Variants in AJAP1 observed in about 807,000 individuals in gnomAD.
The protein encoded by AJAP1 is adherens junction-associated protein 1.
A neutral mutation model predicts 35.0 loss-of-function variants in AJAP1; 5 were observed. The observed-to-expected ratio is 0.14, with a 90% confidence interval of 0.07 to 0.30. The LOEUF (loss-of-function observed/expected upper bound fraction) is 0.30. Among genes scored for constraint, AJAP1 ranks in the 10% least tolerant of loss-of-function variants. AJAP1 has a pLI of 1.00. For missense variants in AJAP1, 586 were observed against 571.0 expected (o/e 1.03, Z -0.27); for synonymous variants, 284 against 249.3 (o/e 1.14, Z -1.31).
At position 4,776,167 on chromosome 1, in the gene AJAP1, C is replaced by T. The variant is rs573138214; in HGVS notation, c.*59+1609C>T. On this transcript the variant is annotated intron_variant, in intron 5 of 5. Coordinates refer to ENST00000378191, the MANE Select transcript of AJAP1 (RefSeq NM_018836.4). ...CAGCCCCGTAATACGGATGTTTGCACGGCAGCTCGTGGAACACTTTTTACT... is the reference window on the plus strand; with the variant it reads ...CAGCCCCGTAATACGGATGTTTGCATGGCAGCTCGTGGAACACTTTTTACT... 1.4e-4 allele frequency among the ~76,000 whole-genome samples: 22 copies of T among 152,338 alleles called. No homozygotes were observed. In the South Asian group the frequency reaches 3.5e-3, roughly 24 times the overall value.
intron 1 of AJAP1, among the ~76,000 whole-genome samples, chr1:4,660,610 T>A (rs972800545): frequency 1.3e-5 from 2 of 152,174 alleles, no homozygotes; most frequent in Non-Finnish European, 2.9e-5. Flanking sequence ...GCCTAACTGA[T>A]CTGACTGGCA....
intron 2 of AJAP1, 64 bp from the exon 3 acceptor site, chr1:4,769,789 C>T (rs949302738): frequency 5.0e-5 from 72 of 1,430,376 alleles, no homozygotes; most frequent in South Asian, 2.5e-4. Flanking sequence ...CCACCTTTCC[C>T]GGCCCCCCTC....
chr1:4,757,196 T>C (rs962166147), intron 2 of AJAP1, among the ~76,000 whole-genome samples: 3 of 152,204 alleles, frequency 2.0e-5, no homozygotes, highest in Non-Finnish European at 4.4e-5. Context: ...TTCCTTTGCC[T>C]TCAGCACAGA....
chr1:4,660,378 G>T (rs1299853259), intron 1 of AJAP1, among the ~76,000 whole-genome samples: 2 of 152,152 alleles, frequency 1.3e-5, no homozygotes, highest in African/African-American at 2.4e-5. Context: ...AGGCCTCCTT[G>T]TTGTGATGGA....
chr1:4,703,513 A>C (rs1570131675), intron 1 of AJAP1, among the ~76,000 whole-genome samples: 1 of 152,280 alleles, frequency 6.6e-6, no homozygotes, highest in East Asian at 1.9e-4. Context: ...CAAGGGCAGA[A>C]CCACCAGGGA....
intron 2 of AJAP1, among the ~76,000 whole-genome samples, chr1:4,729,965 G>C (rs1045026277): frequency 1.4e-4 from 21 of 152,110 alleles, no homozygotes; most frequent in African/African-American, 4.1e-4. Flanking sequence ...AGCCCCAAAA[G>C]TACCCTCCCT....
intron 1 of AJAP1, among the ~76,000 whole-genome samples, chr1:4,688,631 G>A (rs1415057208): frequency 2.6e-5 from 4 of 151,934 alleles, no homozygotes; most frequent in Admixed American, 1.3e-4. Context: ...TATTAGCCGA[G>A]CGTGGTGGCG....
chr1:4,686,399 G>A lies in AJAP1; in HGVS notation c.30-25501G>A, dbSNP rs764284953. Among the ~76,000 whole-genome samples the A allele has an allele frequency of 6.2e-4, 94 of 152,260 alleles. No homozygotes were observed. In the Middle Eastern group the frequency reaches 0.01, roughly 17 times the overall value. ...GCCGCACTGCAGCTGGGTTGCAGAGGGCTGGGTTCAAGTTCTTTTTCTTCC... is the reference window on the plus strand; with the variant it reads ...GCCGCACTGCAGCTGGGTTGCAGAGAGCTGGGTTCAAGTTCTTTTTCTTCC... On this transcript the variant is annotated intron_variant, in intron 1 of 5. Coordinates refer to ENST00000378191, the MANE Select transcript of AJAP1 (RefSeq NM_018836.4).
intron 2 of AJAP1, among the ~76,000 whole-genome samples, chr1:4,768,179 G>A (rs74051974): frequency 0.01 from 1,588 of 152,346 alleles, 30 homozygotes; most frequent in African/African-American, 0.036. Flanking sequence ...TATTCAGGGG[G>A]CATCGGAGCA....
intron 2 of AJAP1, among the ~76,000 whole-genome samples, chr1:4,725,326 G>C (rs1030007006): frequency 1.4e-4 from 21 of 152,320 alleles, no homozygotes; most frequent in African/African-American, 5.1e-4. Context: ...GGATGTGAGT[G>C]GGGTGGGCCA....
chr1:4,751,671 C>T (rs1212018543), intron 2 of AJAP1, among the ~76,000 whole-genome samples: 1 of 152,228 alleles, frequency 6.6e-6, no homozygotes, highest in Admixed American at 6.5e-5. Flanking sequence ...TTACCCAGGA[C>T]CCAGCCACTG....
In AJAP1 at chr1:4,734,999, C is replaced by CT. The variant is rs1360706318; in HGVS notation, c.829+22302dup. ...ATGGAGCTCAGCCTGCAGCAGCCGT[C>CT]TTCACCTCAACTTCCCTGGGAGCCG... On this transcript the variant is annotated intron_variant, in intron 2 of 5. Coordinates refer to ENST00000378191, the MANE Select transcript of AJAP1 (RefSeq NM_018836.4). The surrounding 1 kb of genome is among the most constrained non-coding windows in gnomAD (Gnocchi z 4.3). 6.6e-6 allele frequency among the ~76,000 whole-genome samples: 1 copy of CT among 152,264 alleles called. No homozygotes were observed. The highest frequency in any genetic ancestry group is 1.5e-5 in the Non-Finnish European group (1 of 68,048).
chr1:4,743,199 CA>C, intron 2 of AJAP1, among the ~76,000 whole-genome samples: 1 of 152,290 alleles, frequency 6.6e-6, no homozygotes, highest in East Asian at 1.9e-4. Context: ...TGGGGCCCCA[CA>C]GAGTGATTTT....
Position 4,655,509 on chromosome 1 carries a change from C to A in AJAP1, c.29+55C>A. The A allele has an allele frequency of 1.3e-6, 2 of 1,542,380 alleles. No homozygotes were observed. Among genetic ancestry groups the A allele is most frequent in the East Asian group, 2.6e-5 (1 of 38,572 alleles). On this transcript the variant is annotated intron_variant, in intron 1 of 5. Coordinates refer to ENST00000378191, the MANE Select transcript of AJAP1 (RefSeq NM_018836.4). This position sits in a 1 kb window ranked among gnomAD's most constrained non-coding sequence, Gnocchi z 6.9. ...GTGGGCGCGTGGGTGCCAGGCTGGG[C>A]GGAAGCGGCGCTTTCCTCTATGTTG...
intron 5 of AJAP1, among the ~76,000 whole-genome samples, chr1:4,780,392 C>A (rs138087130): frequency 5.0e-4 from 76 of 151,924 alleles, no homozygotes; most frequent in African/African-American, 1.8e-3. Context: ...ATACAGCATT[C>A]GTCTCTACAT....
At chr1:4,736,203 C>T (rs1477081760) in intron 2 of AJAP1, among the ~76,000 whole-genome samples, 1 of 152,254 alleles carries the variant, frequency 6.6e-6, no homozygotes, top group African/African-American at 2.4e-5. Flanking sequence ...CATAGTTGCC[C>T]CATCAGTTCT....
intron 2 of AJAP1, among the ~76,000 whole-genome samples, chr1:4,752,659 C>T (rs1641344746): frequency 6.6e-6 from 1 of 152,192 alleles, no homozygotes; most frequent in Non-Finnish European, 1.5e-5. Context: ...CTATTTGCTT[C>T]AGGGACCAGG....
chr1:4,770,034 C>G, intron 3 of AJAP1, 94 bp downstream of exon 3: 2 of 1,138,762 alleles, frequency 1.8e-6, no homozygotes, highest in South Asian at 1.2e-5. Flanking sequence ...TCAAAGCCAG[C>G]CTGTTCTGCT....
intron 2 of AJAP1, among the ~76,000 whole-genome samples, chr1:4,742,664 C>T (rs1641096445): frequency 1.3e-5 from 2 of 152,146 alleles, no homozygotes; most frequent in South Asian, 2.1e-4. Context: ...TAAAAGCTGA[C>T]AGCCTTTTCA....
Sources: gnomAD v4.1 joint callset for allele counts (sites outside exome capture counted in the v4.1 genomes callset) on GRCh38, gnomAD v4.1.1 for gene constraint, Gnocchi (gnomAD v3.1) non-coding constraint, MANE v1.5 for transcripts, NCBI Gene and HGNC (gene_info 2026-07-23, HGNC 2026-07-21) for gene names.